Variants in TBC1D21 observed in about 807,000 individuals in gnomAD.
TBC1D21 encodes the protein TBC1 domain family member 21.
Under a neutral mutation model 46.0 loss-of-function variants are expected in TBC1D21, and 38 were observed. The ratio of observed to expected loss-of-function variants is 0.83; its 90% CI spans 0.64 to 1.08. The LOEUF (loss-of-function observed/expected upper bound fraction) is 1.08. Ranked by LOEUF, TBC1D21 falls within the 50% of genes least tolerant of loss-of-function variation. The pLI, the probability that TBC1D21 is intolerant of heterozygous loss-of-function variation, is 0.00. For synonymous variants in TBC1D21, 151 were observed against 157.2 expected, an observed-to-expected ratio of 0.96 and a Z score of 0.29; for missense variants, 415 against 417.9, an observed-to-expected ratio of 0.99 and a Z score of 0.06.
chr15:73,900,738 T>C, the TBC1D21 span, among the ~76,000 whole-genome samples: 1 of 152,144 alleles, frequency 6.6e-6, no homozygotes, highest in Non-Finnish European at 1.5e-5. Context: ...CAGTGGTCTA[T>C]TCAAGATGAT....
At chr15:73,907,599 G>A in the TBC1D21 span, among the ~76,000 whole-genome samples, 1 of 152,184 alleles carries the variant, frequency 6.6e-6, no homozygotes, top group African/African-American at 2.4e-5. Flanking sequence ...CTTGCAAGCT[G>A]AATAAGAACT....
chr15:73,884,830 C>G lies in TBC1D21; in HGVS notation c.417C>G (p.Leu139=). Residue 139 remains leucine, a synonymous_variant, in exon 5 of 11, where the codon CTC becomes CTG. Coordinates refer to ENST00000300504, the MANE Select transcript of TBC1D21 (RefSeq NM_153356.3). ...ACAAAGATCCCCTGGGCAACGTCCT[C>G]ATCGACAAGAAGAGGCTAGAGAAGA... ...IYDKDPLGNV[L]IDKKRLEKIL... 6.2e-7 allele frequency: 1 copy of G among 1,614,164 alleles called. No homozygotes were observed.
At chr15:73,874,013 G>A (rs2068014814) in intron 1 of TBC1D21, among the ~76,000 whole-genome samples, 1 of 152,196 alleles carries the variant, frequency 6.6e-6, no homozygotes, top group Admixed American at 6.5e-5. Flanking sequence ...ACTTTATTGA[G>A]TTGTAGGTTT....
chr15:73,886,636 T>A, intron 8 of TBC1D21, 24 bp downstream of exon 8: 2 of 1,603,078 alleles, frequency 1.2e-6, no homozygotes, highest in Non-Finnish European at 1.7e-6. Flanking sequence ...CTAGGGATCA[T>A]CAGGCTGGGC....
chr15:73,887,721 G>A lies in TBC1D21; in HGVS notation c.879G>A (p.Gly293=), dbSNP rs760164293. Residue 293 remains glycine, a synonymous_variant, in exon 9 of 11, where the codon GGG becomes GGA. Transcript: ENST00000300504. ...AGGTGCTGCAGGAAAGCATGGGCGG[G>A]GATGACATCCTCCTGGTGAGAGCAC... is the stretch of plus-strand genomic sequence containing the variant. ...REQVLQESMG[G]DDILLACNNL... is the part of the protein sequence containing the mutation. 1.2e-6 allele frequency: 2 copies of A among 1,613,608 alleles called. No homozygotes were observed. Among genetic ancestry groups the A allele is most frequent in the Non-Finnish European group, 1.7e-6 (2 of 1,179,788 alleles).
the TBC1D21 span, chr15:73,908,021 GAATTAT>G: frequency 1.3e-5 from 2 of 152,200 alleles, no homozygotes; most frequent in African/African-American, 4.8e-5. Context: ...ACAGAGGCTA[GAATTAT>G]AATGCCTGCC....
the TBC1D21 span, among the ~76,000 whole-genome samples, chr15:73,899,246 G>A: frequency 3.5e-4 from 53 of 152,176 alleles, no homozygotes; most frequent in African/African-American, 1.2e-3. Flanking sequence ...CCTGGGAAGC[G>A]GGTGAGCCTT....
chr15:73,877,949 G>A (rs2068094979), intron 1 of TBC1D21, among the ~76,000 whole-genome samples: 1 of 152,218 alleles, frequency 6.6e-6, no homozygotes, highest in Admixed American at 6.5e-5. Flanking sequence ...AGAAAGCCTA[G>A]AGTTCACATC....
chr15:73,886,263 G>A, intron 7 of TBC1D21, 89 bp downstream of exon 7: 2 of 1,198,834 alleles, frequency 1.7e-6, no homozygotes, highest in African/African-American at 1.5e-5. Context: ...AATCATGGGG[G>A]GGCTGGAGAG....
chr15:73,886,446 T>A, intron 7 of TBC1D21, 66 bp from the exon 8 acceptor site: 1 of 1,450,560 alleles, frequency 6.9e-7, no homozygotes, highest in Non-Finnish European at 9.7e-7. Flanking sequence ...TTTGGCCTCA[T>A]CTGCATGTGT....
chr15:73,889,256 G>T, downstream of TBC1D21: 3 of 892,180 alleles, frequency 3.4e-6, no homozygotes, highest in African/African-American at 1.7e-5. Flanking sequence ...TAGGGGCTGG[G>T]ACGCACATGA....
chr15:73,896,655 A>G, the TBC1D21 span, among the ~76,000 whole-genome samples: 1 of 152,110 alleles, frequency 6.6e-6, no homozygotes, highest in Non-Finnish European at 1.5e-5. Flanking sequence ...TGTTGGGGAG[A>G]GGAAGCGTGA....
chr15:73,902,592 C>T, the TBC1D21 span, among the ~76,000 whole-genome samples: 1 of 152,232 alleles, frequency 6.6e-6, no homozygotes, highest in Admixed American at 6.5e-5. Context: ...GGTGGCACCA[C>T]TGGTGCCCAC....
chr15:73,884,045 G>C, intron 3 of TBC1D21, 106 bp from the exon 4 acceptor site: 1 of 886,646 alleles, frequency 1.1e-6, no homozygotes, highest in South Asian at 1.4e-5. Flanking sequence ...GGCTGGGTGA[G>C]GGTGCTGCCC....
the TBC1D21 span, among the ~76,000 whole-genome samples, chr15:73,900,546 G>A: frequency 6.6e-6 from 1 of 152,194 alleles, no homozygotes; most frequent in South Asian, 2.1e-4. Flanking sequence ...GGGGGACTGG[G>A]CAAAGGGAGG....
chr15:73,890,817 A>G (rs2068330697), downstream of TBC1D21, among the ~76,000 whole-genome samples: 1 of 152,190 alleles, frequency 6.6e-6, no homozygotes, highest in Admixed American at 6.5e-5. Context: ...CCTTCCCAGG[A>G]GCCCAGCGGA....
downstream of TBC1D21, among the ~76,000 whole-genome samples, chr15:73,892,933 A>G (rs2068348945): frequency 1.3e-5 from 2 of 152,320 alleles, 1 homozygote; most frequent in South Asian, 4.1e-4. Context: ...TAGTAATGTC[A>G]GTGATGGTGG....
At chr15:73,888,540 C>T (rs1595827601) in intron 10 of TBC1D21, 27 bp downstream of exon 10, 4 of 1,458,708 alleles carry the variant, frequency 2.7e-6, no homozygotes, top group Non-Finnish European at 1.8e-6. Flanking sequence ...ATGTGTCCTC[C>T]TCCTCCTCTT....
chr15:73,890,320 C>A (rs1473845140), downstream of TBC1D21, among the ~76,000 whole-genome samples: 1 of 152,184 alleles, frequency 6.6e-6, no homozygotes, highest in Non-Finnish European at 1.5e-5. Context: ...GCTGCTGTAT[C>A]TTTGCTGGAA....
Sources: allele counts gnomAD v4.1 joint callset (sites outside exome capture counted in the v4.1 genomes callset), GRCh38; gene constraint gnomAD v4.1.1; transcripts MANE v1.5; gene names NCBI Gene and HGNC (gene_info 2026-07-23, HGNC 2026-07-21).